Variants in PAM16 observed in about 807,000 individuals in gnomAD.
PAM16 encodes presequence translocase associated motor 16.
A neutral mutation model predicts 17.9 loss-of-function variants in PAM16; 11 were observed. That is an observed-to-expected ratio of 0.62 (90% CI 0.39 to 1.02). PAM16 has a LOEUF of 1.02. Ranked by LOEUF, PAM16 falls within the 50% of genes least tolerant of loss-of-function variation. The probability of loss-of-function intolerance (pLI) is 0.01; values close to 1 mark genes in which losing one functional copy is unlikely to be tolerated. For missense variants in PAM16, 199 were observed against 165.4 expected (o/e 1.20, Z -1.11); for synonymous variants, 72 against 67.4 (o/e 1.07, Z -0.34).
intron 1 of PAM16, 54 bp from the exon 2 acceptor site, chr16:4,343,345 G>A (rs1334631514): frequency 1.3e-6 from 2 of 1,553,122 alleles, no homozygotes; most frequent in Non-Finnish European, 8.7e-7. Context: ...GGCCCACAGA[G>A]ATGGGCCCTG....
intron 2 of PAM16, 136 bp downstream of exon 2, chr16:4,343,071 C>T: frequency 1.7e-6 from 2 of 1,158,608 alleles, no homozygotes; most frequent in Non-Finnish European, 2.5e-6. Flanking sequence ...CCCGGTCTGG[C>T]ATCACCCCCC....
At chr16:4,350,042 G>C (rs1305176071) in intron 1 of PAM16, among the ~76,000 whole-genome samples, 1 of 152,098 alleles carries the variant, frequency 6.6e-6, no homozygotes, top group Non-Finnish European at 1.5e-5. Context: ...CGAACCAGCT[G>C]CAACAGAGTC....
rs926010130 is a variant in PAM16, at chr16:4,350,369, T to C, written c.3+863A>G. On this transcript the variant is annotated intron_variant, in intron 1 of 4. Coordinates refer to ENST00000318059, the MANE Select transcript of PAM16 (RefSeq NM_016069.11). ...ATATATATAACATAATAATATGTAG[T>C]ATACATAAATGTATACGGTATATAT... Among the ~76,000 whole-genome samples, 7 of 149,904 alleles carry C rather than the reference T, an allele frequency of 4.7e-5. 1 individual carries two copies. In the South Asian group the frequency reaches 1.5e-3, roughly 31 times the overall value.
rs1488953816 is a variant in PAM16, at chr16:4,342,203, C to T, written c.89-699G>A. The stretch of plus-strand genomic sequence containing the variant: ...GTAAAATACAAAATTACTAAAAATA[C>T]AAAAATCAGCTGGGTGTGGTGGCAC... On this transcript the variant is annotated intron_variant, in intron 2 of 4. Transcript: ENST00000318059. 5.3e-5 allele frequency among the ~76,000 whole-genome samples: 8 copies of T among 152,256 alleles called. No individual in the cohort carries two copies. The East Asian group carries it at 9.6e-4, about 18-fold the overall frequency.
intron 1 of PAM16, among the ~76,000 whole-genome samples, chr16:4,344,849 G>A (rs1169931674): frequency 2.0e-5 from 3 of 147,430 alleles, no homozygotes; most frequent in Non-Finnish European, 4.6e-5. Flanking sequence ...GAGAGGAGGG[G>A]GTTCCGTGAG....
intron 3 of PAM16, 126 bp from the exon 4 acceptor site, chr16:4,341,111 T>C (rs536738460): frequency 7.7e-7 from 1 of 1,298,792 alleles, no homozygotes; most frequent in African/African-American, 1.5e-5. Context: ...CACCCAGCTG[T>C]TGTGGCCACT....
In PAM16 at chr16:4,351,250, TC is replaced by T; in HGVS notation, c.-17del. ...GGCTCACCATGGCAGCCGCTCTGCC[TC>T]CGGGGCTCAAACTCCGACTTCCTGG... is the stretch of plus-strand genomic sequence containing the variant. On this transcript the variant is annotated 5_prime_UTR_variant, in exon 1 of 5. Transcript: ENST00000318059. 2 of 1,467,382 alleles carry T rather than the reference TC, an allele frequency of 1.4e-6. No individual in the cohort carries two copies. The highest frequency in any genetic ancestry group is 9.1e-7 in the Non-Finnish European group (1 of 1,102,736). The allele number at this position is 1,467,382 out of a possible 1,614,324, so 90.9% of individuals were successfully genotyped here. A position where few individuals can be genotyped will look rare whatever the true frequency, so the allele number is the denominator to read the frequency against.
At chr16:4,344,511 G>A (rs1028827475) in intron 1 of PAM16, among the ~76,000 whole-genome samples, 16 of 5,512 alleles carry the variant, frequency 2.9e-3, no homozygotes, top group East Asian at 6.8e-3. Flanking sequence ...AGAGGAGGGG[G>A]TTCTGTGAGA....
At chr16:4,344,850 G>T (rs376041348) in intron 1 of PAM16, among the ~76,000 whole-genome samples, 2 of 24,522 alleles carry the variant, frequency 8.2e-5, no homozygotes, top group African/African-American at 2.9e-4. Flanking sequence ...AGAGGAGGGG[G>T]TTCCGTGAGA....
intron 1 of PAM16, among the ~76,000 whole-genome samples, chr16:4,350,365 G>C (rs1483700493): frequency 6.7e-6 from 1 of 149,014 alleles, no homozygotes; most frequent in Non-Finnish European, 1.5e-5. Flanking sequence ...ATAATAATAT[G>C]TAGTATACAT....
intron 2 of PAM16, among the ~76,000 whole-genome samples, chr16:4,342,249 T>TCA (rs1161172893): frequency 1.3e-5 from 2 of 152,136 alleles, no homozygotes; most frequent in Non-Finnish European, 1.5e-5. Context: ...TCCCAGCTAC[T>TCA]GGAGAGGCTG....
chr16:4,349,710 T>A (rs1273501511), intron 1 of PAM16, among the ~76,000 whole-genome samples: 1 of 152,114 alleles, frequency 6.6e-6, no homozygotes, highest in African/African-American at 2.4e-5. Flanking sequence ...AAGGCTGCAG[T>A]GAGCTAGGAT....
intron 1 of PAM16, chr16:4,343,911 T>C: frequency 2.5e-6 from 1 of 397,874 alleles, no homozygotes; most frequent in Non-Finnish European, 4.4e-6. Context: ...GCTCGTTCAT[T>C]TGTGCAGCCA....
chr16:4,341,621 G>A, intron 2 of PAM16, 117 bp from the exon 3 acceptor site: 2 of 1,449,766 alleles, frequency 1.4e-6, no homozygotes, highest in Non-Finnish European at 1.8e-6. Flanking sequence ...AGGGACAGGT[G>A]GCTAGGAGCT....
intron 3 of PAM16, 142 bp downstream of exon 3, chr16:4,341,226 C>T: frequency 7.2e-7 from 1 of 1,390,346 alleles, no homozygotes; most frequent in Admixed American, 2.4e-5. Flanking sequence ...ACTTCACGAG[C>T]AACAGTGGCT....
chr16:4,344,548 TTCC>T, intron 1 of PAM16, among the ~76,000 whole-genome samples: 2 of 45,614 alleles, frequency 4.4e-5, no homozygotes, highest in Non-Finnish European at 4.1e-5. Context: ...GAGGAGGGGG[TTCC>T]GTGAGAGGAG....
intron 1 of PAM16, 21 bp from the exon 2 acceptor site, chr16:4,343,312 C>T (rs374004113): frequency 7.2e-5 from 115 of 1,589,432 alleles, no homozygotes; most frequent in Admixed American, 3.5e-4. Context: ...AGCAGGCACC[C>T]GGTTAGCAGG....
intron 2 of PAM16, 129 bp downstream of exon 2, chr16:4,343,078 C>A: frequency 2.4e-6 from 3 of 1,240,260 alleles, no homozygotes; most frequent in Non-Finnish European, 3.5e-6. Context: ...TGGCATCACC[C>A]CCCACCATGG....
At chr16:4,341,715 C>G (rs1268216601) in intron 2 of PAM16, 2 of 775,386 alleles carry the variant, frequency 2.6e-6, no homozygotes, top group Admixed American at 5.9e-5. Flanking sequence ...AGGGTAAGGG[C>G]AGGATCTGAC....
Sources: allele counts gnomAD v4.1 joint callset (sites outside exome capture counted in the v4.1 genomes callset), GRCh38; gene constraint gnomAD v4.1.1; transcripts MANE v1.5; gene names NCBI Gene and HGNC (gene_info 2026-07-23, HGNC 2026-07-21).